The following CNTNAP2 variants were observed in gnomAD, a reference collection of about 807,000 sequenced individuals.
CNTNAP2 encodes the protein contactin associated protein 2, also known as contactin-associated protein-like 2.
CNTNAP2 carries 98 observed loss-of-function variants against 155.2 expected under a neutral mutation model. That is an observed-to-expected ratio of 0.63 (90% CI 0.54 to 0.75). The LOEUF (loss-of-function observed/expected upper bound fraction) is 0.75, where lower values mean the gene tolerates loss of function less well. Among genes scored for constraint, CNTNAP2 ranks in the 30% least tolerant of loss-of-function variants. The probability of loss-of-function intolerance (pLI) is 0.00; values close to 1 mark genes in which losing one functional copy is unlikely to be tolerated. For missense variants in CNTNAP2, 1,727 were observed against 1,688.1 expected, an observed-to-expected ratio of 1.02 and a Z score of -0.40; for synonymous variants, 651 against 631.2, an observed-to-expected ratio of 1.03 and a Z score of -0.47.
rs144143228 is a variant in CNTNAP2, at chr7:146,916,808, T to A, written c.402+76904T>A. Among the ~76,000 whole-genome samples the A allele has an allele frequency of 1.9e-3, 289 of 152,194 alleles. 3 individuals carry two copies. Among genetic ancestry groups the A allele is most frequent in the African/African-American group, 6.2e-3 (257 of 41,546 alleles). On this transcript the variant is annotated intron_variant, in intron 3 of 23. Coordinates refer to ENST00000361727, the MANE Select transcript of CNTNAP2 (RefSeq NM_014141.6). ...TATCTTTTGTATTTTTTGTTTGTTTTGATTTCATTTAGTTCTGCTCTGATC... is the reference window on the plus strand; with the variant it reads ...TATCTTTTGTATTTTTTGTTTGTTTAGATTTCATTTAGTTCTGCTCTGATC...
chr7:146,546,246 G>T (rs1196174677), intron 1 of CNTNAP2, among the ~76,000 whole-genome samples: 1 of 151,820 alleles, frequency 6.6e-6, no homozygotes, highest in Non-Finnish European at 1.5e-5. Context: ...AAATTGACTT[G>T]GTAGAAAATT....
chr7:147,835,063 GC>G (rs1476073486), intron 13 of CNTNAP2, among the ~76,000 whole-genome samples: 1 of 152,024 alleles, frequency 6.6e-6, no homozygotes, highest in African/African-American at 2.4e-5. Flanking sequence ...AAAAAGAATT[GC>G]CCCGGCTACC....
chr7:146,944,973 G>A (rs1797132603), intron 3 of CNTNAP2, among the ~76,000 whole-genome samples: 1 of 151,656 alleles, frequency 6.6e-6, no homozygotes, highest in South Asian at 2.1e-4. Flanking sequence ...AATGATTTAT[G>A]TTCTGTCTTT....
chr7:146,501,697 G>T (rs938664155), intron 1 of CNTNAP2, among the ~76,000 whole-genome samples: 5 of 152,046 alleles, frequency 3.3e-5, no homozygotes, highest in African/African-American at 1.2e-4. Flanking sequence ...CTGTGACTGT[G>T]AAGCATTTGA....
chr7:146,678,279 G>T (rs1054702771), intron 1 of CNTNAP2, among the ~76,000 whole-genome samples: 5 of 151,638 alleles, frequency 3.3e-5, no homozygotes, highest in Non-Finnish European at 7.4e-5. Context: ...ACGTTGGCCG[G>T]GCTGGTTTAG....
chr7:147,267,406 GATTA>G (rs1804637241), intron 8 of CNTNAP2, among the ~76,000 whole-genome samples: 1 of 152,160 alleles, frequency 6.6e-6, no homozygotes, highest in South Asian at 2.1e-4. Context: ...GAGTGAATAA[GATTA>G]ATTAATTTAA....
rs113997014 is a variant in CNTNAP2, at chr7:146,356,750, A to C, written c.97+239777A>C. Among the ~76,000 whole-genome samples, 995 of 152,262 alleles carry C rather than the reference A, an allele frequency of 6.5e-3. 12 individuals are homozygous for C. Among genetic ancestry groups the C allele is most frequent in the African/African-American group, 0.021 (892 of 41,552 alleles). On this transcript the variant is annotated intron_variant, in intron 1 of 23. Transcript: ENST00000361727. ...GAAGTGGATCATGGTTTCATGTAAA[A>C]TATTGATTCACATGGTTTTCAGCTT...
At chr7:147,638,510 A>G (rs760465429) in intron 12 of CNTNAP2, among the ~76,000 whole-genome samples, 3 of 152,202 alleles carry the variant, frequency 2.0e-5, no homozygotes, top group Non-Finnish European at 4.4e-5. Flanking sequence ...CTCGCAGTGA[A>G]ATTTTCAGGG....
chr7:147,180,962 T>C (rs544567432), intron 8 of CNTNAP2, among the ~76,000 whole-genome samples: 1 of 152,300 alleles, frequency 6.6e-6, no homozygotes, highest in East Asian at 1.9e-4. Context: ...TGCATTTCTA[T>C]AACAAACACC....
chr7:147,132,520 C>T lies in CNTNAP2; in HGVS notation c.1348+11C>T, dbSNP rs1447717786. The T allele has an allele frequency of 6.2e-7, 1 of 1,613,212 alleles. No homozygotes were observed. Among genetic ancestry groups the T allele is most frequent in the African/African-American group, 1.3e-5 (1 of 74,848 alleles). On this transcript the variant is annotated intron_variant, in intron 8 of 23. Transcript: ENST00000361727. ...TCGATATTTCCTCAGGTCAGTGAAA[C>T]CTATTTGACATTTGTTCCTGAAACT...
intron 3 of CNTNAP2, among the ~76,000 whole-genome samples, chr7:146,913,554 C>T (rs1378723517): frequency 6.6e-6 from 1 of 151,974 alleles, no homozygotes; most frequent in Non-Finnish European, 1.5e-5. Flanking sequence ...TTGGTGGTGG[C>T]CCTCTTTCGG....
chr7:147,819,166 A>G lies in CNTNAP2; in HGVS notation c.2099-84399A>G, dbSNP rs181089382. ...ATTTTAATCATAGAGATGAGAAAGC[A>G]AGGAAAGGCATAAACCTCGTTAGTG... On this transcript the variant is annotated intron_variant, in intron 13 of 23. Transcript: ENST00000361727. Among the ~76,000 whole-genome samples the G allele has an allele frequency of 9.2e-5, 14 of 152,356 alleles. 1 individual carries two copies. The East Asian group carries it at 2.3e-3, about 25-fold the overall frequency.
chr7:148,083,188 T>C (rs1041190705), intron 15 of CNTNAP2, among the ~76,000 whole-genome samples: 2 of 152,184 alleles, frequency 1.3e-5, no homozygotes, highest in African/African-American at 4.8e-5. Context: ...TTTGTCGAGA[T>C]GGGAGATACC....
intron 11 of CNTNAP2, among the ~76,000 whole-genome samples, chr7:147,509,189 A>G (rs1245943179): frequency 6.6e-6 from 1 of 152,186 alleles, no homozygotes; most frequent in African/African-American, 2.4e-5. Flanking sequence ...CTTTGATTGC[A>G]GGAAACATTG....
At chr7:147,918,806 G>C (rs1156346905) in intron 14 of CNTNAP2, among the ~76,000 whole-genome samples, 3 of 152,172 alleles carry the variant, frequency 2.0e-5, no homozygotes, top group Non-Finnish European at 4.4e-5. Context: ...TCAGCCCTGG[G>C]AATGGTGTGT....
At chr7:148,366,595 G>T (rs1245077858) in intron 21 of CNTNAP2, among the ~76,000 whole-genome samples, 1 of 152,154 alleles carries the variant, frequency 6.6e-6, no homozygotes, top group Non-Finnish European at 1.5e-5. Flanking sequence ...TATACGAATG[G>T]CAGATAGCAT....
intron 12 of CNTNAP2, among the ~76,000 whole-genome samples, chr7:147,635,535 G>T (rs1038184836): frequency 1.5e-4 from 23 of 152,126 alleles, no homozygotes; most frequent in African/African-American, 5.6e-4. Flanking sequence ...GAATGCATGG[G>T]TGTGTTACAA....
chr7:146,432,151 G>T (rs1796182289), intron 1 of CNTNAP2, among the ~76,000 whole-genome samples: 1 of 152,026 alleles, frequency 6.6e-6, no homozygotes, highest in Non-Finnish European at 1.5e-5. Flanking sequence ...AAACTCAGAT[G>T]ATTCAATTTA....
At chr7:147,495,902 C>T (rs1167424336) in intron 11 of CNTNAP2, among the ~76,000 whole-genome samples, 1 of 152,154 alleles carries the variant, frequency 6.6e-6, no homozygotes. Flanking sequence ...CTCCCCATTG[C>T]TCACATTTCC....
Sources: allele counts gnomAD v4.1 joint callset (sites outside exome capture counted in the v4.1 genomes callset), GRCh38; gene constraint gnomAD v4.1.1; transcripts MANE v1.5; gene names NCBI Gene and HGNC (gene_info 2026-07-23, HGNC 2026-07-21).